The following MYO10 variants were observed in gnomAD, a reference collection of about 807,000 sequenced individuals.
MYO10 encodes myosin X.
MYO10 carries 133 observed loss-of-function variants against 257.3 expected under a neutral mutation model. The observed-to-expected ratio is 0.52, with a 90% confidence interval of 0.45 to 0.60. The LOEUF (loss-of-function observed/expected upper bound fraction) is 0.60, where lower values mean the gene tolerates loss of function less well. Among genes scored for constraint, MYO10 ranks in the 20% least tolerant of loss-of-function variants. MYO10 has a pLI of 0.00. For synonymous variants in MYO10, 1,104 were observed against 1,028.6 expected, an observed-to-expected ratio of 1.07 and a Z score of -1.40; for missense variants, 2,399 against 2,635.7, an observed-to-expected ratio of 0.91 and a Z score of 1.97.
chr5:16,737,441 CCTAACACGA>C (rs1344057583), intron 19 of MYO10, among the ~76,000 whole-genome samples: 1 of 152,160 alleles, frequency 6.6e-6, no homozygotes, highest in Non-Finnish European at 1.5e-5. Context: ...TTTCCCATCT[CCTAACACGA>C]CTTACTAAAA....
intron 1 of MYO10, among the ~76,000 whole-genome samples, chr5:16,893,440 C>T (rs58057438): frequency 0.25 from 37,882 of 151,516 alleles, 6,456 homozygotes; most frequent in African/African-American, 0.48. Context: ...TTGAGACCAG[C>T]CTGGCCAACA....
Position 16,672,738 on chromosome 5 carries a change from C to T in MYO10, c.5260G>A (p.Ala1754Thr), listed in dbSNP as rs1268759218. ...GCTACGACGGTTCGACTTTCAATGG[C>T]TTTGTCGACGTGGCCGTTGTATTCA... ...LFEYNGHVDK[A>T]IESRTVVADV... The change falls in exon 37 of 41, where the codon GCC (alanine) becomes ACC (threonine). Residue 1754 changes from alanine (A) to threonine (T), a missense_variant. Around this residue, in one of 3 missense-constraint regions of MYO10, gnomAD observed 1,820 missense variants for 1,939.4 expected, o/e 0.94. Coordinates refer to ENST00000513610, the MANE Select transcript of MYO10 (RefSeq NM_012334.3). 3 of 1,614,014 alleles carry T rather than the reference C, an allele frequency of 1.9e-6. No individual in the cohort carries two copies. The highest frequency in any genetic ancestry group is 1.7e-5 in the Admixed American group (1 of 60,018).
In MYO10 at chr5:16,913,688, G is replaced by A. The variant is rs375449341; in HGVS notation, c.21+22100C>T. Among the ~76,000 whole-genome samples the A allele has an allele frequency of 2.6e-5, 4 of 152,296 alleles. No individual in the cohort carries two copies. The East Asian group carries it at 7.7e-4, about 29-fold the overall frequency. On this transcript the variant is annotated intron_variant, in intron 1 of 40. Transcript: ENST00000513610. ...GTGTGCAATGTGGGGTTTGGGTGTG[G>A]CTAGGAGCCTGCAACATCTTGAGTC...
chr5:16,823,396 G>A (rs1233757782), intron 2 of MYO10, among the ~76,000 whole-genome samples: 2 of 124,224 alleles, frequency 1.6e-5, no homozygotes, highest in Non-Finnish European at 3.3e-5. Flanking sequence ...AGTGAGCCGA[G>A]ATGGCACCAC....
intron 3 of MYO10, chr5:16,814,660 C>T (rs1429871011): frequency 1.3e-5 from 2 of 152,128 alleles, no homozygotes; most frequent in Non-Finnish European, 2.9e-5. Flanking sequence ...GTCCAACAGA[C>T]GCTGACATCT....
chr5:16,874,348 G>A lies in MYO10; in HGVS notation c.120+3261C>T, dbSNP rs868508946. ...GACTCCATCTAAAAAAAAAAGCGGG[G>A]GGGGGGGGGGGTTTCTTTTCTATCA... On this transcript the variant is annotated intron_variant, in intron 2 of 40. Transcript: ENST00000513610. Among the ~76,000 whole-genome samples the A allele has an allele frequency of 2.3e-3, 135 of 59,774 alleles. 16 individuals are homozygous for A. The highest frequency in any genetic ancestry group is 6.7e-3 in the Middle Eastern group (1 of 150). The allele number at this position is 59,774 out of a possible 152,430, so 39.2% of individuals were successfully genotyped here.
chr5:16,752,781 T>C (rs1460609474), intron 19 of MYO10, among the ~76,000 whole-genome samples: 1 of 152,212 alleles, frequency 6.6e-6, no homozygotes, highest in Non-Finnish European at 1.5e-5. Context: ...GCAAACCAAG[T>C]GGAACATAAA....
At chr5:16,767,654 A>G (rs1300302661) in intron 10 of MYO10, among the ~76,000 whole-genome samples, 1 of 152,080 alleles carries the variant, frequency 6.6e-6, no homozygotes, top group Non-Finnish European at 1.5e-5. Context: ...TTTTTTAAAC[A>G]TCTCATTTTA....
intron 3 of MYO10, among the ~76,000 whole-genome samples, chr5:16,807,610 C>T (rs778537036): frequency 6.6e-6 from 1 of 152,064 alleles, no homozygotes; most frequent in Non-Finnish European, 1.5e-5. Context: ...TGCCAGCCAG[C>T]AGCATGCAAC....
At chr5:16,918,473 A>G (rs1363787285) in intron 1 of MYO10, among the ~76,000 whole-genome samples, 3 of 151,646 alleles carry the variant, frequency 2.0e-5, no homozygotes, top group Admixed American at 1.3e-4. Flanking sequence ...TGGAAACACA[A>G]AATTTCACTG....
At chr5:16,869,933 G>T (rs6896227) in intron 2 of MYO10, among the ~76,000 whole-genome samples, 1 of 107,310 alleles carries the variant, frequency 9.3e-6, no homozygotes, top group East Asian at 3.2e-4. Context: ...GGAAGGGGGA[G>T]GGGGAGGGGG....
At chr5:16,850,709 A>G (rs919456903) in intron 2 of MYO10, among the ~76,000 whole-genome samples, 1 of 148,168 alleles carries the variant, frequency 6.7e-6, no homozygotes, top group Non-Finnish European at 1.5e-5. Context: ...CCTAGTATCA[A>G]TTCTGATGCC....
chr5:16,773,852 T>C (rs1339238950), intron 9 of MYO10, among the ~76,000 whole-genome samples: 1 of 152,208 alleles, frequency 6.6e-6, no homozygotes, highest in Non-Finnish European at 1.5e-5. Flanking sequence ...ACTTCTTTGC[T>C]TTCTAGTCTA....
intron 2 of MYO10, among the ~76,000 whole-genome samples, chr5:16,873,537 G>A (rs945669063): frequency 7.9e-5 from 12 of 152,328 alleles, no homozygotes; most frequent in East Asian, 1.9e-4. Flanking sequence ...CCCCAGTAGC[G>A]ACTCTGTGTG....
chr5:16,708,623 A>G (rs1738454145), intron 21 of MYO10, among the ~76,000 whole-genome samples: 1 of 152,162 alleles, frequency 6.6e-6, no homozygotes, highest in Non-Finnish European at 1.5e-5. Context: ...GTGCAGTGGC[A>G]TGATCAGGGC....
At chr5:16,891,554 G>A (rs185490584) in intron 1 of MYO10, among the ~76,000 whole-genome samples, 1 of 152,118 alleles carries the variant, frequency 6.6e-6, no homozygotes, top group Admixed American at 6.6e-5. Context: ...AGATAGTGAT[G>A]ATGGTTGTAC....
chr5:16,824,549 G>A (rs985878641), intron 2 of MYO10, among the ~76,000 whole-genome samples: 3 of 152,134 alleles, frequency 2.0e-5, no homozygotes, highest in African/African-American at 7.2e-5. Flanking sequence ...GCCAATGCCT[G>A]TAAGTAAAAC....
At chr5:16,760,964 A>AT (rs976169563) in intron 17 of MYO10, among the ~76,000 whole-genome samples, 4 of 145,958 alleles carry the variant, frequency 2.7e-5, no homozygotes, top group African/African-American at 8.2e-5. Flanking sequence ...CATTGCTTAT[A>AT]TTATTATTAT....
intron 2 of MYO10, among the ~76,000 whole-genome samples, chr5:16,822,731 A>T (rs1389724462): frequency 6.8e-6 from 1 of 147,672 alleles, no homozygotes; most frequent in African/African-American, 2.5e-5. Context: ...TCTGTCGCCC[A>T]GGCTGGAGTG....
Sources: allele counts gnomAD v4.1 joint callset (sites outside exome capture counted in the v4.1 genomes callset), GRCh38; gene constraint gnomAD v4.1.1; regional missense constraint gnomAD v4.1.1; transcripts MANE v1.5; gene names NCBI Gene and HGNC (gene_info 2026-07-23, HGNC 2026-07-21).